The following CAST variants were observed in gnomAD, a reference collection of about 807,000 sequenced individuals.
CAST encodes the protein MIR583 host.
CAST carries 76 observed loss-of-function variants against 119.6 expected under a neutral mutation model. The ratio of observed to expected loss-of-function variants is 0.64; its 90% CI spans 0.53 to 0.77. The LOEUF is 0.77. Among genes scored for constraint, CAST ranks in the 30% least tolerant of loss-of-function variants. The probability of loss-of-function intolerance (pLI) is 0.00; values close to 1 mark genes in which losing one functional copy is unlikely to be tolerated. For synonymous variants in CAST, 319 were observed against 331.6 expected (o/e 0.96, Z 0.41); for missense variants, 953 against 946.5 (o/e 1.01, Z -0.09).
the CAST span, among the ~76,000 whole-genome samples, chr5:96,169,288 C>T: frequency 6.6e-6 from 1 of 152,272 alleles, no homozygotes; most frequent in East Asian, 1.9e-4. Flanking sequence ...TTTGCTGAGC[C>T]TGATGGGTGT....
Position 96,607,336 on chromosome 5 carries a change from T to C in CAST, c.61-68203T>C, listed in dbSNP as rs141443719. On this transcript the variant is annotated intron_variant, in intron 1 of 11. Coordinates refer to the CAST transcript ENST00000505143. ...TGTATTAAGGTATTATAGTAAGTTC[T>C]CTCAGCAATAAAAATGGTTAGCAAT... is the stretch of plus-strand genomic sequence containing the variant. Among the ~76,000 whole-genome samples, 684 of 152,254 alleles carry C rather than the reference T, an allele frequency of 4.5e-3. 1 individual carries two copies. Among genetic ancestry groups the C allele is most frequent in the Non-Finnish European group, 6.0e-3 (409 of 68,012 alleles).
the CAST span, among the ~76,000 whole-genome samples, chr5:96,205,641 T>G: frequency 6.6e-6 from 1 of 152,138 alleles, no homozygotes; most frequent in Non-Finnish European, 1.5e-5. Context: ...GCAAAGGACA[T>G]GATCTCATTC....
At chr5:96,343,074 G>T in the CAST span, among the ~76,000 whole-genome samples, 4 of 152,058 alleles carry the variant, frequency 2.6e-5, no homozygotes, top group Non-Finnish European at 5.9e-5. Context: ...TTTTTAAAAA[G>T]AGCTATTAAC....
the CAST span, among the ~76,000 whole-genome samples, chr5:96,153,952 G>A: frequency 6.6e-6 from 1 of 152,120 alleles, no homozygotes; most frequent in Non-Finnish European, 1.5e-5. Flanking sequence ...GTCTCAATAT[G>A]TTATTATTTG....
chr5:96,533,524 C>T (rs377668757), intron 1 of CAST, among the ~76,000 whole-genome samples: 2 of 152,094 alleles, frequency 1.3e-5, no homozygotes, highest in Admixed American at 1.3e-4. Context: ...TTCACTGCTT[C>T]GAGATTCGCA....
chr5:96,040,283 C>G, the CAST span, among the ~76,000 whole-genome samples: 46 of 152,146 alleles, frequency 3.0e-4, no homozygotes, highest in Middle Eastern at 3.4e-3. Context: ...CTGGGACGAT[C>G]GGGTTTTCTA....
intron 22 of CAST, among the ~76,000 whole-genome samples, chr5:96,755,881 T>C (rs911358850): frequency 6.6e-6 from 1 of 152,198 alleles, no homozygotes; most frequent in Non-Finnish European, 1.5e-5. Flanking sequence ...GGGCCACATG[T>C]TCTGTCTCCA....
the CAST span, among the ~76,000 whole-genome samples, chr5:96,232,433 A>G: frequency 6.6e-6 from 1 of 152,140 alleles, no homozygotes; most frequent in Non-Finnish European, 1.5e-5. Flanking sequence ...GTCCTTACCC[A>G]CAAATATGGT....
At chr5:96,117,202 T>C in the CAST span, among the ~76,000 whole-genome samples, 25 of 152,236 alleles carry the variant, frequency 1.6e-4, 1 homozygote, top group Non-Finnish European at 3.2e-4. Flanking sequence ...TGTGTCTTGC[T>C]TAAGAAATTT....
At chr5:96,015,002 C>A in the CAST span, among the ~76,000 whole-genome samples, 3 of 152,030 alleles carry the variant, frequency 2.0e-5, no homozygotes, top group Non-Finnish European at 2.9e-5. Flanking sequence ...TAAGTCCTCA[C>A]CACACCCTGT....
chr5:96,000,627 T>C, the CAST span, among the ~76,000 whole-genome samples: 10,498 of 152,206 alleles, frequency 0.069, 733 homozygotes, highest in African/African-American at 0.18. Context: ...GATGTACCAA[T>C]TCAAGATCTG....
At position 96,669,923 on chromosome 5, in the gene CAST, T is replaced by A. The variant is rs371399921; in HGVS notation, c.76-5616T>A. Among the ~76,000 whole-genome samples, 11 of 152,366 alleles carry A rather than the reference T, an allele frequency of 7.2e-5. No homozygotes were observed. The East Asian group carries it at 2.1e-3, about 29-fold the overall frequency. On this transcript the variant is annotated intron_variant, in intron 1 of 31. Coordinates refer to ENST00000675179, the MANE Select transcript of CAST (RefSeq NM_001750.7). ...AAATTTATCCATGGCAAGGCCCCAT[T>A]CTATTCAAACTAAATCTAAATCCCT...
chr5:96,005,341 T>C, the CAST span, among the ~76,000 whole-genome samples: 1 of 152,072 alleles, frequency 6.6e-6, no homozygotes, highest in Middle Eastern at 3.4e-3. Flanking sequence ...GGAATAGAAA[T>C]AGAGGGAAGA....
At chr5:95,965,846 T>C in the CAST span, among the ~76,000 whole-genome samples, 1 of 152,232 alleles carries the variant, frequency 6.6e-6, no homozygotes, top group African/African-American at 2.4e-5. Flanking sequence ...GATTTTGTTA[T>C]GTAAATACAG....
intron 1 of CAST, among the ~76,000 whole-genome samples, chr5:96,642,727 A>G (rs963651667): frequency 6.6e-6 from 1 of 151,910 alleles, no homozygotes; most frequent in Non-Finnish European, 1.5e-5. Context: ...TTTTTAATAT[A>G]GACAAGAGAC....
the CAST span, among the ~76,000 whole-genome samples, chr5:96,197,788 T>C: frequency 6.6e-6 from 1 of 152,100 alleles, no homozygotes; most frequent in African/African-American, 2.4e-5. Flanking sequence ...TGTGACAGTC[T>C]TGCTTTGTCA....
chr5:96,731,191 T>G (rs919125464), intron 9 of CAST, among the ~76,000 whole-genome samples: 4 of 152,230 alleles, frequency 2.6e-5, no homozygotes, highest in African/African-American at 9.6e-5. Context: ...CAGGAGCATT[T>G]GAATCGGCTT....
At chr5:96,097,021 CTGATATTTTGATTAAGTT>C in the CAST span, among the ~76,000 whole-genome samples, 1 of 152,152 alleles carries the variant, frequency 6.6e-6, no homozygotes, top group African/African-American at 2.4e-5. Flanking sequence ...GCACTGCCAC[CTGATATTTTGATTAAGTT>C]TGACGTAGGA....
At chr5:96,009,946 ATCTG>A in the CAST span, among the ~76,000 whole-genome samples, 17 of 152,172 alleles carry the variant, frequency 1.1e-4, no homozygotes, top group African/African-American at 3.4e-4. Context: ...TAAGTCTTCA[ATCTG>A]TCTTGAGCTG....
Sources: allele counts gnomAD v4.1 joint callset (sites outside exome capture counted in the v4.1 genomes callset), GRCh38; gene constraint gnomAD v4.1.1; transcripts MANE v1.5; gene names NCBI Gene and HGNC (gene_info 2026-07-23, HGNC 2026-07-21).